The following SNRPN variants were observed in gnomAD, a reference collection of about 807,000 sequenced individuals.
SNRPN encodes small nuclear ribonucleoprotein-associated protein N.
In SNRPN, 7 loss-of-function variants were observed where a neutral mutation model predicts 25.2. The ratio of observed to expected loss-of-function variants is 0.28; its 90% confidence interval spans 0.16 to 0.52. The LOEUF (loss-of-function observed/expected upper bound fraction) is 0.52, where lower values mean the gene tolerates loss of function less well. Among genes scored for constraint, SNRPN ranks in the 20% least tolerant of loss-of-function variants. SNRPN has a pLI of 0.96. For synonymous variants in SNRPN, 124 were observed against 110.6 expected (o/e 1.12, Z -0.76); for missense variants, 196 against 322.5 (o/e 0.61, Z 3.00).
At chr15:24,878,918 T>C (rs1230754205) in intron 1 of SNRPN, among the ~76,000 whole-genome samples, 1 of 152,106 alleles carries the variant, frequency 6.6e-6, no homozygotes, top group Non-Finnish European at 1.5e-5. Context: ...AGAGGACTTG[T>C]AGAGGCTTCA....
rs778695977 is a variant in SNRPN at position 24,973,865 on chromosome 15, A to AT, written c.-143-445dup. 2.6e-4 allele frequency among the ~76,000 whole-genome samples: 39 copies of AT among 152,316 alleles called. 1 individual carries two copies. Among genetic ancestry groups the AT allele is most frequent in the Non-Finnish European group, 4.4e-4 (30 of 68,030 alleles). ...TAGTGGGGAAAGATTACCTGCCATC[A>AT]TCTTGAAGCGAATTTAGGGGAAGAA... On this transcript the variant is annotated intron_variant, in intron 3 of 9. Transcript: ENST00000390687.
At chr15:24,878,982 AT>A (rs752547610) in intron 1 of SNRPN, among the ~76,000 whole-genome samples, 66 of 152,008 alleles carry the variant, frequency 4.3e-4, no homozygotes, top group Middle Eastern at 3.2e-3. Context: ...AATATTTGTA[AT>A]TTAAGAAAAA....
chr15:24,825,383 A>G (rs1474356088), intron 1 of SNRPN, among the ~76,000 whole-genome samples: 1 of 152,008 alleles, frequency 6.6e-6, no homozygotes, highest in African/African-American at 2.4e-5. Context: ...CAAATCTGAA[A>G]GAAACTAGAA....
At chr15:24,825,024 T>A (rs1254737770) in intron 1 of SNRPN, among the ~76,000 whole-genome samples, 2 of 152,098 alleles carry the variant, frequency 1.3e-5, no homozygotes, top group East Asian at 3.9e-4. Flanking sequence ...TCTTATGGTC[T>A]AAAAGCGATT....
intron 1 of SNRPN, among the ~76,000 whole-genome samples, chr15:24,861,446 C>A (rs968990620): frequency 6.6e-6 from 1 of 152,174 alleles, no homozygotes; most frequent in African/African-American, 2.4e-5. Flanking sequence ...TTGTATAGGG[C>A]AGTTGCCATG....
intron 3 of SNRPN, among the ~76,000 whole-genome samples, chr15:24,944,024 G>A (rs1001382965): frequency 2.6e-5 from 4 of 152,048 alleles, no homozygotes; most frequent in African/African-American, 7.2e-5. Context: ...GTTTCACCAC[G>A]TTGACTAGGC....
intron 2 of SNRPN, among the ~76,000 whole-genome samples, chr15:24,914,165 A>T (rs921898064): frequency 2.6e-5 from 4 of 152,186 alleles, no homozygotes; most frequent in Admixed American, 2.0e-4. Flanking sequence ...TAAAGGAAGA[A>T]CAAAAAACTT....
In SNRPN at chr15:24,970,291, T is replaced by C. The variant is rs28401448; in HGVS notation, c.-144+2209T>C. 3.4e-3 allele frequency among the ~76,000 whole-genome samples: 521 copies of C among 152,186 alleles called. 4 individuals carry two copies. The highest frequency in any genetic ancestry group is 0.012 in the African/African-American group (499 of 41,520). On this transcript the variant is annotated intron_variant, in intron 3 of 9. Coordinates refer to ENST00000390687, the MANE Select transcript of SNRPN (RefSeq NM_003097.6). The stretch of plus-strand genomic sequence containing the variant: ...CCAGGAAAAATAAGAAAATAAACTA[T>C]TAATGTGGCCGGGTGTGGTGGCTCA...
At chr15:24,825,906 A>G (rs1474682404) in intron 1 of SNRPN, among the ~76,000 whole-genome samples, 1 of 152,078 alleles carries the variant, frequency 6.6e-6, no homozygotes, top group African/African-American at 2.4e-5. Flanking sequence ...TTATTACACA[A>G]TACAGGTTTA....
At chr15:24,965,406 G>A (rs1464590409) in intron 2 of SNRPN, among the ~76,000 whole-genome samples, 1 of 152,112 alleles carries the variant, frequency 6.6e-6, no homozygotes, top group Non-Finnish European at 1.5e-5. Context: ...GTGTGGTAGT[G>A]TGCACCTGTA....
chr15:24,895,751 G>A (rs962337372), intron 2 of SNRPN, among the ~76,000 whole-genome samples: 1 of 152,130 alleles, frequency 6.6e-6, no homozygotes, highest in Non-Finnish European at 1.5e-5. Flanking sequence ...TTTATCCTTT[G>A]TCCATATATT....
At chr15:24,966,171 C>G (rs2075598442) in intron 2 of SNRPN, among the ~76,000 whole-genome samples, 1 of 152,188 alleles carries the variant, frequency 6.6e-6, no homozygotes, top group South Asian at 2.1e-4. Context: ...AGGGCACCCA[C>G]ACTTCCGACC....
At chr15:24,877,719 G>A (rs921817617) in intron 1 of SNRPN, among the ~76,000 whole-genome samples, 1 of 151,538 alleles carries the variant, frequency 6.6e-6, no homozygotes, top group Non-Finnish European at 1.5e-5. Context: ...GGGCGCAGTG[G>A]CGCGCGCCTG....
chr15:24,953,698 C>G (rs1040809519), upstream of SNRPN, among the ~76,000 whole-genome samples: 2 of 152,160 alleles, frequency 1.3e-5, no homozygotes, highest in Non-Finnish European at 2.9e-5. Flanking sequence ...TATCAATGAA[C>G]TATTAGAAAT....
Position 24,976,374 on chromosome 15 carries a change from G to A in SNRPN, c.225G>A (p.Glu75=). 1 of 1,613,300 alleles carries A rather than the reference G, an allele frequency of 6.2e-7. No individual in the cohort carries two copies. Among genetic ancestry groups the A allele is most frequent in the Non-Finnish European group, 8.5e-7 (1 of 1,179,790 alleles). Residue 75 remains glutamate (E), a synonymous_variant, in exon 6 of 10, where the codon GAG becomes GAA. Coordinates refer to ENST00000390687, the MANE Select transcript of SNRPN (RefSeq NM_003097.6). ...TGGGTCTGGTGTTGCTGCGTGGGGA[G>A]AACTTGGTATCCATGACTGTGGAGG... is the stretch of plus-strand genomic sequence containing the variant. ...RVLGLVLLRG[E]NLVSMTVEGP... is the part of the protein sequence containing the mutation.
intron 1 of SNRPN, among the ~76,000 whole-genome samples, chr15:24,883,924 T>C (rs2056958902): frequency 6.6e-6 from 1 of 150,998 alleles, no homozygotes; most frequent in East Asian, 2.0e-4. Context: ...GAGAATTGCT[T>C]GAGCCTGGGA....
intron 2 of SNRPN, among the ~76,000 whole-genome samples, chr15:24,904,944 A>C (rs2058701567): frequency 4.1e-5 from 2 of 48,942 alleles, no homozygotes. Context: ...CTCCGTCTCA[A>C]AAAAAAAAAA....
intron 2 of SNRPN, among the ~76,000 whole-genome samples, chr15:24,898,558 A>G (rs558830001): frequency 6.6e-6 from 1 of 152,100 alleles, no homozygotes; most frequent in South Asian, 2.1e-4. Context: ...ACTGCACCCC[A>G]TCCTGGCGAC....
chr15:24,897,617 C>T (rs2058157272), intron 2 of SNRPN, among the ~76,000 whole-genome samples: 1 of 152,126 alleles, frequency 6.6e-6, no homozygotes, highest in Non-Finnish European at 1.5e-5. Flanking sequence ...CAAATCTCAC[C>T]TTGAATTATA....
Sources: allele counts gnomAD v4.1 joint callset (sites outside exome capture counted in the v4.1 genomes callset), GRCh38; gene constraint gnomAD v4.1.1; transcripts MANE v1.5; gene names NCBI Gene and HGNC (gene_info 2026-07-23, HGNC 2026-07-21).